EBF4: variants seen among roughly 807,000 people sequenced by gnomAD.
EBF4 encodes the protein EBF transcription factor 4.
A neutral mutation model predicts 67.1 loss-of-function variants in EBF4; 34 were observed. That is an observed-to-expected ratio of 0.51 (90% CI 0.39 to 0.67). The LOEUF is 0.67. EBF4 is among the 30% of genes least tolerant of loss of function. EBF4 has a pLI of 0.00. For synonymous variants in EBF4, 387 were observed against 377.7 expected, an observed-to-expected ratio of 1.02 and a Z score of -0.29; for missense variants, 837 against 873.3, an observed-to-expected ratio of 0.96 and a Z score of 0.52.
chr20:2,757,777 T>C lies in EBF4; in HGVS notation c.1739-1132T>C, dbSNP rs549526173. 5.9e-5 allele frequency among the ~76,000 whole-genome samples: 9 copies of C among 152,148 alleles called. No homozygotes were observed. The East Asian group carries it at 1.2e-3, about 20-fold the overall frequency. ...GTCTGGGCAAGATGGCAAAACCTCG[T>C]CTCTAAAAAAAATAGAAAAATGAGC... On this transcript the variant is annotated intron_variant, in intron 15 of 16. Coordinates refer to ENST00000609451, the Ensembl canonical transcript of EBF4.
chr20:2,750,831 G>T (rs564699424), intron 10 of EBF4, among the ~76,000 whole-genome samples: 1 of 152,174 alleles, frequency 6.6e-6, no homozygotes, highest in Non-Finnish European at 1.5e-5. Context: ...AGGGCTGAGT[G>T]GGGAGGTTGA....
At position 2,749,452 on chromosome 20, in the gene EBF4, G is replaced by GC; in HGVS notation, c.691_692insC (p.Asp231AlafsTer117). ...GGACGGACACGTGCTGGCCGTGTCC[G>GC]ACAACATGTTTGTGCACAACAACTC... On this transcript the variant is annotated frameshift_variant, in exon 8 of 17. Transcript: ENST00000609451. LOFTEE classifies it high-confidence loss of function. 1 of 1,548,456 alleles carries GC rather than the reference G, an allele frequency of 6.5e-7. No homozygotes were observed. Among genetic ancestry groups the GC allele is most frequent in the Non-Finnish European group, 8.7e-7 (1 of 1,146,092 alleles).
chr20:2,750,962 G>A (rs559395014), intron 10 of EBF4, among the ~76,000 whole-genome samples: 9 of 152,256 alleles, frequency 5.9e-5, no homozygotes, highest in African/African-American at 2.2e-4. Flanking sequence ...GTGAAGGTAG[G>A]GCTCTGAGAC....
rs1282145659 is a variant in EBF4, at chr20:2,739,209, A to G, written c.558-9340A>G. Among the ~76,000 whole-genome samples, 5 of 151,936 alleles carry G rather than the reference A, an allele frequency of 3.3e-5. No individual in the cohort carries two copies. The highest frequency in any genetic ancestry group is 1.2e-4 in the African/African-American group (5 of 41,420). On this transcript the variant is annotated intron_variant, in intron 6 of 16. Transcript: ENST00000609451. This position sits in a 1 kb window ranked among gnomAD's most constrained non-coding sequence, Gnocchi z 4.5. ...AGACATCCCCTGTAGCCTTCCCATCACCCAGAGGATCCAAGTCCCGCATGA... is the reference window on the plus strand; with the variant it reads ...AGACATCCCCTGTAGCCTTCCCATCGCCCAGAGGATCCAAGTCCCGCATGA...
intron 6 of EBF4, among the ~76,000 whole-genome samples, chr20:2,710,112 A>G (rs749230938): frequency 6.6e-6 from 1 of 152,154 alleles, no homozygotes; most frequent in Non-Finnish European, 1.5e-5. Context: ...TGTCGAGGTG[A>G]TGCATGTAAA....
intron 1 of EBF4, among the ~76,000 whole-genome samples, chr20:2,701,265 T>A (rs2087371102): frequency 6.6e-6 from 1 of 152,134 alleles, no homozygotes; most frequent in Non-Finnish European, 1.5e-5. Context: ...ATCCTAAACC[T>A]ACTATGGGGC....
intron 1 of EBF4, 107 bp from the exon 2 acceptor site, chr20:2,705,470 G>A (rs1236040766): frequency 6.6e-5 from 98 of 1,482,596 alleles, no homozygotes; most frequent in South Asian, 1.7e-4. Flanking sequence ...CAAACTCTTG[G>A]CATCTTGGAG....
rs1408432807 is a variant in EBF4, at chr20:2,755,795, G to A, written c.1709G>A (p.Cys570Tyr). The change falls in exon 15 of 17, where the codon TGC (cysteine) becomes TAC (tyrosine). Residue 570 changes from cysteine to tyrosine, a missense_variant. By Grantham distance (194) the Cys-to-Tyr change is radical. Transcript: ENST00000609451. The surrounding 1 kb of genome is among the most constrained non-coding windows in gnomAD (Gnocchi z 4.7). ...CCCCCAAGCTCCCCACCCCAGGCCT[G>A]CCCCAGAGCCCACGGAGAGGGGCTT... The A allele has an allele frequency of 1.3e-6, 2 of 1,548,880 alleles. No homozygotes were observed. The highest frequency in any genetic ancestry group is 3.9e-5 in the Admixed American group (2 of 50,960).
In EBF4 at chr20:2,747,197, G is replaced by A. The variant is rs114364955; in HGVS notation, c.558-1352G>A. On this transcript the variant is annotated intron_variant, in intron 6 of 16. Transcript: ENST00000609451. This position sits in a 1 kb window ranked among gnomAD's most constrained non-coding sequence, Gnocchi z 4.6. ...ATCCCCCTGTAATCCCCTGTAACTCGGGAAGCCAAGGGCTGAGGCAGGGAC... is the reference window on the plus strand; with the variant it reads ...ATCCCCCTGTAATCCCCTGTAACTCAGGAAGCCAAGGGCTGAGGCAGGGAC... Among the ~76,000 whole-genome samples, 277 of 152,158 alleles carry A rather than the reference G, an allele frequency of 1.8e-3. 2 individuals are homozygous for A. Among genetic ancestry groups the A allele is most frequent in the African/African-American group, 6.3e-3 (262 of 41,492 alleles).
intron 1 of EBF4, among the ~76,000 whole-genome samples, chr20:2,702,017 C>G (rs1308637609): frequency 6.6e-6 from 1 of 152,190 alleles, no homozygotes; most frequent in Admixed American, 6.5e-5. Context: ...GAGGGGCGAT[C>G]AAGGCCTCAA....
intron 6 of EBF4, among the ~76,000 whole-genome samples, chr20:2,711,704 T>C (rs996037029): frequency 6.6e-6 from 1 of 152,142 alleles, no homozygotes; most frequent in African/African-American, 2.4e-5. Flanking sequence ...ATGACCAAAA[T>C]AGACAAAAAG....
At chr20:2,703,241 A>G (rs2087401490) in intron 1 of EBF4, among the ~76,000 whole-genome samples, 1 of 145,238 alleles carries the variant, frequency 6.9e-6, no homozygotes, top group Non-Finnish European at 1.5e-5. Context: ...TGGACAACAG[A>G]GCAAGACCCT....
In EBF4 at chr20:2,747,049, T is replaced by C. The variant is rs2088060352; in HGVS notation, c.558-1500T>C. Among the ~76,000 whole-genome samples, 1 of 152,094 alleles carries C rather than the reference T, an allele frequency of 6.6e-6. No homozygotes were observed. Among genetic ancestry groups the C allele is most frequent in the African/African-American group, 2.4e-5 (1 of 41,402 alleles). ...GGCTCATGCCTGTAATCCCAACACT[T>C]TGGGAGGCCGAGGTGGGTGAATCAC... On this transcript the variant is annotated intron_variant, in intron 6 of 16. Transcript: ENST00000609451. This position sits in a 1 kb window ranked among gnomAD's most constrained non-coding sequence, Gnocchi z 4.6.
intron 14 of EBF4, chr20:2,754,980 A>ACCCACGC (rs1407127501): frequency 1.0e-5 from 1 of 97,336 alleles, no homozygotes; most frequent in African/African-American, 4.1e-5. Context: ...ACCCCCCCCC[A>ACCCACGC]CAGGGCCCAG....
Position 2,737,024 on chromosome 20 carries a change from C to T in EBF4, c.558-11525C>T, listed in dbSNP as rs191972094. On this transcript the variant is annotated intron_variant, in intron 6 of 16. Coordinates refer to ENST00000609451, the Ensembl canonical transcript of EBF4. The stretch of plus-strand genomic sequence containing the variant: ...CAGCACTTTGGGAGGCCAAGGTGGG[C>T]AGATCACAAGGTCAGGAGATGGAGA... Among the ~76,000 whole-genome samples, 66 of 151,968 alleles carry T rather than the reference C, an allele frequency of 4.3e-4. 1 individual carries two copies. The South Asian group carries it at 6.2e-3, about 14-fold the overall frequency.
intron 6 of EBF4, among the ~76,000 whole-genome samples, chr20:2,731,551 G>A (rs959200090): frequency 4.6e-5 from 7 of 152,164 alleles, no homozygotes; most frequent in African/African-American, 1.7e-4. Context: ...GCGTCTAAAT[G>A]GGCATCCCTC....
chr20:2,750,825 C>T (rs978118439), intron 10 of EBF4, among the ~76,000 whole-genome samples: 56 of 152,234 alleles, frequency 3.7e-4, no homozygotes, highest in Non-Finnish European at 7.4e-5. Context: ...AACCCGAGGG[C>T]TGAGTGGGGA....
intron 6 of EBF4, among the ~76,000 whole-genome samples, chr20:2,732,859 A>G (rs2087833067): frequency 6.6e-6 from 1 of 151,904 alleles, no homozygotes; most frequent in Non-Finnish European, 1.5e-5. Context: ...GAGTTCCCAT[A>G]TATCCCCTAT....
intron 6 of EBF4, 146 bp from the exon 7 acceptor site, chr20:2,748,403 C>G: frequency 1.4e-6 from 1 of 719,774 alleles, no homozygotes; most frequent in South Asian, 1.9e-5. Flanking sequence ...ATATGGAGGC[C>G]ATGATGGGAA....
Sources: allele counts gnomAD v4.1 joint callset (sites outside exome capture counted in the v4.1 genomes callset), GRCh38; gene constraint gnomAD v4.1.1; non-coding constraint Gnocchi (gnomAD v3.1); transcripts MANE v1.5; gene names NCBI Gene and HGNC (gene_info 2026-07-23, HGNC 2026-07-21).